The following ANKRD36B variants were observed in gnomAD, a reference collection of about 807,000 sequenced individuals.
ANKRD36B encodes ankyrin repeat domain 36B.
A neutral mutation model predicts 135.7 loss-of-function variants in ANKRD36B; 37 were observed. The ratio of observed to expected loss-of-function variants is 0.27; its 90% CI spans 0.21 to 0.36. ANKRD36B has a LOEUF of 0.36. Among genes scored for constraint, ANKRD36B ranks in the 10% least tolerant of loss-of-function variants. ANKRD36B has a pLI of 1.00. For missense variants in ANKRD36B, 549 were observed against 1,037.1 expected (o/e 0.53, Z 6.46); for synonymous variants, 179 against 348.1 (o/e 0.51, Z 5.41).
chr2:97,582,001 G>T (rs1317132511), intron 3 of ANKRD36B, among the ~76,000 whole-genome samples: 1 of 150,306 alleles, frequency 6.7e-6, no homozygotes, highest in African/African-American at 2.5e-5. Flanking sequence ...GTAGAGAGGG[G>T]GTTTCACCGT....
At chr2:97,553,305 G>C in intron 15 of ANKRD36B, 38 bp downstream of exon 15, 1 of 1,608,010 alleles carries the variant, frequency 6.2e-7, no homozygotes, top group Non-Finnish European at 8.5e-7. Flanking sequence ...ATAGACTATA[G>C]ATTTACTAGT....
At chr2:97,559,740 A>C (rs1415109189) in intron 8 of ANKRD36B, among the ~76,000 whole-genome samples, 2 of 151,980 alleles carry the variant, frequency 1.3e-5, no homozygotes, top group Non-Finnish European at 2.9e-5. Flanking sequence ...AGATATTAAT[A>C]AGTTTTACAT....
At position 97,536,084 on chromosome 2, in the gene ANKRD36B, C is replaced by CA. The variant is rs776810159; in HGVS notation, c.2191+215dup. Among the ~76,000 whole-genome samples, 48 of 79,368 alleles carry CA rather than the reference C, an allele frequency of 6.0e-4. 3 individuals carry two copies. Among genetic ancestry groups the CA allele is most frequent in the Admixed American group, 1.1e-3 (10 of 8,934 alleles). 52.1% of individuals were successfully genotyped at this position (79,368 alleles called of 152,430 possible). ...CTGTCTCCAAAAACAAAAAACAAAA[C>CA]AAAAAAAAAAACCTTATGTTTTAAA... On this transcript the variant is annotated intron_variant, in intron 34 of 43. Transcript: ENST00000359901.
chr2:97,545,653 T>C lies in ANKRD36B; in HGVS notation c.1681+13A>G. The C allele has an allele frequency of 2.1e-6, 2 of 963,180 alleles. 1 individual carries two copies. Among genetic ancestry groups the C allele is most frequent in the East Asian group, 5.2e-5 (2 of 38,298 alleles). 59.7% of individuals were successfully genotyped at this position (963,180 alleles called of 1,614,324 possible). Reference sequence around the variant, plus strand: ...TTGAACGAACATCATATTAAATGTGTTTGCAAAATTACCTGTCCCAGATAT... The same window carrying C: ...TTGAACGAACATCATATTAAATGTGCTTGCAAAATTACCTGTCCCAGATAT... On this transcript the variant is annotated intron_variant, in intron 24 of 43. Transcript: ENST00000359901.
chr2:97,496,668 T>C (rs972064196), intron 43 of ANKRD36B, among the ~76,000 whole-genome samples: 2 of 57,636 alleles, frequency 3.5e-5, no homozygotes, highest in African/African-American at 1.4e-4. Context: ...ATGCTACCTA[T>C]ACTCTATAAA....
chr2:97,571,108 T>C (rs2081823114), intron 6 of ANKRD36B, among the ~76,000 whole-genome samples: 3 of 152,136 alleles, frequency 2.0e-5, no homozygotes, highest in Admixed American at 2.0e-4. Flanking sequence ...ATATATCCCA[T>C]AGTATGAAAG....
rs1382134543 is a variant in ANKRD36B, at chr2:97,526,451, G to A, written c.2266-2984C>T. On this transcript the variant is annotated intron_variant, in intron 35 of 43. Coordinates refer to ENST00000359901, the MANE Select transcript of ANKRD36B (RefSeq NM_001393939.1). ...CAAGTAGATAAAACCACAAAGATGGGGAAAAAACAGAGCAGAAAAACTGGA... is the reference window on the plus strand; with the variant it reads ...CAAGTAGATAAAACCACAAAGATGGAGAAAAAACAGAGCAGAAAAACTGGA... Among the ~76,000 whole-genome samples, 4 of 96,512 alleles carry A rather than the reference G, an allele frequency of 4.1e-5. 1 individual carries two copies. The highest frequency in any genetic ancestry group is 3.7e-4 in the Admixed American group (4 of 10,924). 63.3% of individuals were successfully genotyped at this position (96,512 alleles called of 152,430 possible). A position where few individuals can be genotyped will look rare whatever the true frequency, so the allele number is the denominator to read the frequency against.
At chr2:97,571,276 T>A (rs2104881885) in intron 6 of ANKRD36B, among the ~76,000 whole-genome samples, 1 of 152,258 alleles carries the variant, frequency 6.6e-6, no homozygotes, top group East Asian at 1.9e-4. Flanking sequence ...ATCAAAAGTT[T>A]GAGGCTGCAG....
chr2:97,584,965 T>C lies in ANKRD36B; in HGVS notation c.429A>G (p.Thr143=), dbSNP rs1315982412. 6.2e-7 allele frequency: 1 copy of C among 1,606,172 alleles called. No homozygotes were observed. Among genetic ancestry groups the C allele is most frequent in the African/African-American group, 1.4e-5 (1 of 72,496 alleles). The change falls in exon 3 of 44, where the codon ACA becomes ACG. Residue 143 remains threonine, a synonymous_variant. Coordinates refer to ENST00000359901, the MANE Select transcript of ANKRD36B (RefSeq NM_001393939.1). ...ATACCTTGCTGCATTCTTCAATATTTGTACCATGTGAAAGAAGTTTTTCTA... is the reference window on the plus strand; with the variant it reads ...ATACCTTGCTGCATTCTTCAATATTCGTACCATGTGAAAGAAGTTTTTCTA... ...SMIEKLLSHG[T]NIEECSKNEY... is the part of the protein sequence containing the mutation.
intron 5 of ANKRD36B, among the ~76,000 whole-genome samples, chr2:97,578,002 A>C (rs1265363670): frequency 2.6e-5 from 4 of 151,940 alleles, no homozygotes; most frequent in African/African-American, 7.2e-5. Flanking sequence ...GACAGTTTAG[A>C]ACTATCCTAA....
At chr2:97,524,580 A>G (rs2078091456) in intron 35 of ANKRD36B, 2 of 96,278 alleles carry the variant, frequency 2.1e-5, no homozygotes, top group South Asian at 4.7e-4. Context: ...TGTTCAGGAA[A>G]TATCTGGACT....
Position 97,536,368 on chromosome 2 carries a change from G to A in ANKRD36B, c.2123C>T (p.Thr708Ile). The A allele has an allele frequency of 1.1e-6, 1 of 937,404 alleles. No individual in the cohort carries two copies. The highest frequency in any genetic ancestry group is 1.2e-5 in the South Asian group (1 of 80,388). 58.1% of individuals were successfully genotyped at this position (937,404 alleles called of 1,614,324 possible). Residue 708 changes from threonine (T) to isoleucine (I), a missense_variant, in exon 34 of 44, where the codon ACA becomes ATA. By Grantham distance (89) the Thr-to-Ile change is moderately conservative. Transcript: ENST00000359901. Reference sequence around the variant, plus strand: ...CAGAACAGAATCTTTATTTTCAATTGTAGCCTGAATGGGTTTTAAAACAAA... The same window carrying A: ...CAGAACAGAATCTTTATTTTCAATTATAGCCTGAATGGGTTTTAAAACAAA... ...YPENLRTLKATIENKDSVLNT... is the reference protein window; with the variant it reads ...YPENLRTLKAIIENKDSVLNT...
intron 6 of ANKRD36B, among the ~76,000 whole-genome samples, chr2:97,574,750 G>A (rs1292055608): frequency 6.6e-6 from 1 of 152,074 alleles, no homozygotes; most frequent in Non-Finnish European, 1.5e-5. Context: ...ACTTATCAGG[G>A]ATTTCAGTAC....
At chr2:97,585,976 T>A (rs1015877854) in intron 1 of ANKRD36B, among the ~76,000 whole-genome samples, 2 of 152,214 alleles carry the variant, frequency 1.3e-5, no homozygotes, top group African/African-American at 2.4e-5. Flanking sequence ...TGGAAAACTG[T>A]TTACAATTCA....
intron 22 of ANKRD36B, 142 bp from the exon 23 acceptor site, chr2:97,546,003 C>T (rs932554943): frequency 4.7e-6 from 4 of 849,010 alleles, no homozygotes; most frequent in Middle Eastern, 3.2e-4. Flanking sequence ...TGTCTGGGGA[C>T]AAGAACATGA....
Position 97,549,413 on chromosome 2 carries a change from A to G in ANKRD36B, c.1477+6T>C. The stretch of plus-strand genomic sequence containing the variant: ...AACATGACATTAAATCTGTTTTCAA[A>G]ATTACCTGTCCTAGATTTTTCTCCA... On this transcript the variant is annotated splice_donor_region_variant and intron_variant, in intron 20 of 43. Transcript: ENST00000359901. 6.4e-7 allele frequency: 1 copy of G among 1,554,924 alleles called. No homozygotes were observed.
intron 8 of ANKRD36B, among the ~76,000 whole-genome samples, chr2:97,559,404 C>T (rs1347435516): frequency 6.6e-6 from 1 of 151,846 alleles, no homozygotes; most frequent in Non-Finnish European, 1.5e-5. Context: ...TACAGATGTT[C>T]ATTATGCCCT....
chr2:97,571,369 T>C (rs1447141266), intron 6 of ANKRD36B, among the ~76,000 whole-genome samples: 1 of 151,310 alleles, frequency 6.6e-6, no homozygotes, highest in African/African-American at 2.4e-5. Flanking sequence ...ATTAGTAGGC[T>C]GGGGGCGGTG....
Position 97,558,887 on chromosome 2 carries a change from A to T in ANKRD36B, c.895-16T>A. ...CACTTGTAGCCTGAATGGGATTTGA[A>T]ACAAAATAATCAATATGTAAAGTAG... On this transcript the variant is annotated splice_polypyrimidine_tract_variant and intron_variant, in intron 9 of 43. Transcript: ENST00000359901. 1 of 1,610,386 alleles carries T rather than the reference A, an allele frequency of 6.2e-7. No individual in the cohort carries two copies. Among genetic ancestry groups the T allele is most frequent in the South Asian group, 1.1e-5 (1 of 91,038 alleles).
Sources: allele counts gnomAD v4.1 joint callset (sites outside exome capture counted in the v4.1 genomes callset), GRCh38; gene constraint gnomAD v4.1.1; transcripts MANE v1.5; gene names NCBI Gene and HGNC (gene_info 2026-07-23, HGNC 2026-07-21).